EPB41L4A: variants seen among roughly 807,000 people sequenced by gnomAD.
EPB41L4A encodes the protein erythrocyte membrane protein band 4.1 like 4A.
In EPB41L4A, 100 loss-of-function variants were observed where a neutral mutation model predicts 108.6. That is an observed-to-expected ratio of 0.92 (90% confidence interval 0.78 to 1.09). The LOEUF (loss-of-function observed/expected upper bound fraction) is 1.09. Ranked by LOEUF, EPB41L4A falls within the 50% of genes least tolerant of loss-of-function variation. EPB41L4A has a pLI of 0.00. For missense variants in EPB41L4A, 1,030 were observed against 842.7 expected, an observed-to-expected ratio of 1.22 and a Z score of -2.75; for synonymous variants, 319 against 289.0, an observed-to-expected ratio of 1.10 and a Z score of -1.05.
intron 2 of EPB41L4A, among the ~76,000 whole-genome samples, chr5:112,294,996 G>C (rs557137494): frequency 5.3e-5 from 8 of 152,326 alleles, no homozygotes; most frequent in African/African-American, 1.9e-4. Context: ...AGGACAGCCA[G>C]TCAAAAAAGC....
chr5:112,376,135 G>T (rs759490325), intron 1 of EPB41L4A, among the ~76,000 whole-genome samples: 11 of 152,094 alleles, frequency 7.2e-5, no homozygotes, highest in Non-Finnish European at 1.5e-4. Flanking sequence ...TCCAAAGAGA[G>T]GACTAACATC....
At chr5:112,170,629 T>C (rs1760520141) in intron 19 of EPB41L4A, among the ~76,000 whole-genome samples, 1 of 152,232 alleles carries the variant, frequency 6.6e-6, no homozygotes, top group African/African-American at 2.4e-5. Flanking sequence ...GATCTGCTTC[T>C]CTCCCCTGTG....
At chr5:112,385,306 A>G (rs2112631558) in intron 1 of EPB41L4A, among the ~76,000 whole-genome samples, 3 of 152,318 alleles carry the variant, frequency 2.0e-5, no homozygotes, top group Middle Eastern at 6.8e-3. Context: ...AAGTTTGGAA[A>G]AAGTCCAATA....
chr5:112,275,126 C>T (rs538283920), intron 4 of EPB41L4A, 200 bp downstream of exon 4: 14 of 531,546 alleles, frequency 2.6e-5, no homozygotes, highest in Admixed American at 1.4e-4. Context: ...CCCAGGTTCA[C>T]GCCATTTTCA....
intron 1 of EPB41L4A, among the ~76,000 whole-genome samples, chr5:112,393,662 C>G (rs577412664): frequency 2.0e-5 from 3 of 152,084 alleles, no homozygotes; most frequent in East Asian, 3.9e-4. Flanking sequence ...ACCAGAGGTA[C>G]AAGGAGGAGC....
chr5:112,331,457 C>G (rs1029796439), intron 1 of EPB41L4A, among the ~76,000 whole-genome samples: 12 of 152,352 alleles, frequency 7.9e-5, no homozygotes, highest in African/African-American at 2.4e-4. Context: ...CACACAGCCT[C>G]AGGGATCCCC....
intron 12 of EPB41L4A, among the ~76,000 whole-genome samples, chr5:112,224,661 C>T (rs768124409): frequency 1.4e-4 from 21 of 152,000 alleles, no homozygotes; most frequent in Admixed American, 2.6e-4. Context: ...TTTTAAGCTC[C>T]CCTACCACCC....
At chr5:112,167,581 A>T (rs1760326597) in intron 22 of EPB41L4A, among the ~76,000 whole-genome samples, 1 of 152,076 alleles carries the variant, frequency 6.6e-6, no homozygotes, top group African/African-American at 2.4e-5. Flanking sequence ...TTACCCAGTG[A>T]CTTCTATGGG....
chr5:112,346,179 C>G (rs1757651806), intron 1 of EPB41L4A, among the ~76,000 whole-genome samples: 1 of 137,030 alleles, frequency 7.3e-6, no homozygotes, highest in South Asian at 2.5e-4. Flanking sequence ...TGAAACACAC[C>G]TGGTAGAAAA....
intron 4 of EPB41L4A, among the ~76,000 whole-genome samples, chr5:112,271,747 G>C (rs1752273258): frequency 6.6e-6 from 1 of 152,196 alleles, no homozygotes; most frequent in Non-Finnish European, 1.5e-5. Context: ...TACTAATAAA[G>C]AATAGAGAGA....
intron 9 of EPB41L4A, chr5:112,257,431 G>A (rs1751182075): frequency 6.6e-6 from 1 of 151,588 alleles, no homozygotes; most frequent in Admixed American, 6.6e-5. Flanking sequence ...CAAAGCTGAG[G>A]AAGGAATGAG....
intron 14 of EPB41L4A, chr5:112,204,791 C>T (rs1298330444): frequency 4.0e-6 from 1 of 250,102 alleles, no homozygotes; most frequent in African/African-American, 2.2e-5. Flanking sequence ...CCTTTCTAAA[C>T]ACTGACTCAG....
chr5:112,256,628 C>T (rs1751116570), intron 9 of EPB41L4A, among the ~76,000 whole-genome samples: 1 of 152,050 alleles, frequency 6.6e-6, no homozygotes, highest in African/African-American at 2.4e-5. Flanking sequence ...GAAAACTTAT[C>T]AAACACCATG....
intron 1 of EPB41L4A, among the ~76,000 whole-genome samples, chr5:112,370,910 G>C (rs192790148): frequency 4.5e-4 from 68 of 152,324 alleles, no homozygotes; most frequent in Non-Finnish European, 7.3e-4. Flanking sequence ...CTGCACTCCA[G>C]CCTGGGTGAC....
intron 2 of EPB41L4A, among the ~76,000 whole-genome samples, chr5:112,290,031 G>A (rs540500086): frequency 6.6e-6 from 1 of 152,162 alleles, no homozygotes; most frequent in East Asian, 1.9e-4. Context: ...CCCAGGTACT[G>A]GCATAGATGT....
intron 1 of EPB41L4A, among the ~76,000 whole-genome samples, chr5:112,354,466 G>A (rs1561599976): frequency 2.0e-5 from 3 of 152,202 alleles, no homozygotes; most frequent in African/African-American, 7.2e-5. Flanking sequence ...CAACACTGCA[G>A]ATAGGCATAG....
At chr5:112,214,385 A>T (rs1747456007) in intron 12 of EPB41L4A, among the ~76,000 whole-genome samples, 1 of 152,244 alleles carries the variant, frequency 6.6e-6, no homozygotes, top group Non-Finnish European at 1.5e-5. Context: ...TTTAAATATC[A>T]GACATAAGAA....
chr5:112,365,411 A>C (rs749039384), intron 1 of EPB41L4A, among the ~76,000 whole-genome samples: 2 of 152,202 alleles, frequency 1.3e-5, no homozygotes, highest in Non-Finnish European at 2.9e-5. Context: ...ATAGGGAAAA[A>C]GTATGTAAAG....
chr5:112,351,631 T>C (rs144463160), intron 1 of EPB41L4A, among the ~76,000 whole-genome samples: 1,884 of 152,196 alleles, frequency 0.012, 41 homozygotes, highest in South Asian at 0.049. Flanking sequence ...AGCATTACGC[T>C]GATGCCAAAA....
Sources: gnomAD v4.1 joint callset for allele counts (sites outside exome capture counted in the v4.1 genomes callset) on GRCh38, gnomAD v4.1.1 for gene constraint, MANE v1.5 for transcripts, NCBI Gene and HGNC (gene_info 2026-07-23, HGNC 2026-07-21) for gene names.